Variants in SLC35F3 observed in about 807,000 individuals in gnomAD.
SLC35F3 encodes putative thiamine transporter SLC35F3.
A neutral mutation model predicts 49.9 loss-of-function variants in SLC35F3; 25 were observed. That is an observed-to-expected ratio of 0.50 (90% CI 0.37 to 0.70). The LOEUF is 0.70. Ranked by LOEUF, SLC35F3 falls within the 30% of genes least tolerant of loss-of-function variation. The probability of loss-of-function intolerance (pLI) is 0.00; values close to 1 mark genes in which losing one functional copy is unlikely to be tolerated. For synonymous variants in SLC35F3, 275 were observed against 265.4 expected, an observed-to-expected ratio of 1.04 and a Z score of -0.35; for missense variants, 525 against 639.8, an observed-to-expected ratio of 0.82 and a Z score of 1.94.
intron 2 of SLC35F3, among the ~76,000 whole-genome samples, chr1:234,156,594 G>C (rs990446808): frequency 6.6e-6 from 1 of 152,158 alleles, no homozygotes; most frequent in South Asian, 2.1e-4. Context: ...GTTTAACTTA[G>C]AGAACTCTAA....
intron 2 of SLC35F3, among the ~76,000 whole-genome samples, chr1:234,063,206 C>G (rs1359175616): frequency 6.6e-6 from 1 of 152,040 alleles, no homozygotes; most frequent in African/African-American, 2.4e-5. Flanking sequence ...TACAGATGAA[C>G]TGGGGAGGAA....
chr1:233,970,220 G>C (rs985601305), intron 2 of SLC35F3, among the ~76,000 whole-genome samples: 1 of 152,186 alleles, frequency 6.6e-6, no homozygotes, highest in African/African-American at 2.4e-5. Flanking sequence ...GGGCATCAGA[G>C]TTAGCACCCG....
intron 2 of SLC35F3, among the ~76,000 whole-genome samples, chr1:234,158,279 C>T (rs1222567833): frequency 3.5e-4 from 53 of 152,154 alleles, no homozygotes; most frequent in Admixed American, 3.5e-3. Flanking sequence ...GTTTTAATTG[C>T]TTTCCTTGTT....
intron 2 of SLC35F3, among the ~76,000 whole-genome samples, chr1:234,002,520 A>G (rs1291531747): frequency 6.6e-6 from 1 of 152,092 alleles, no homozygotes; most frequent in Non-Finnish European, 1.5e-5. Flanking sequence ...TGATTAAACT[A>G]GGGTTAGGGT....
chr1:234,116,772 C>T, intron 2 of SLC35F3, among the ~76,000 whole-genome samples: 1 of 152,208 alleles, frequency 6.6e-6, no homozygotes, highest in East Asian at 1.9e-4. Flanking sequence ...CCTTGGCCTC[C>T]CAAAGTGCTG....
At position 234,279,999 on chromosome 1, in the gene SLC35F3, G is replaced by A. The variant is rs183357435; in HGVS notation, c.609-29102G>A. 4.6e-5 allele frequency among the ~76,000 whole-genome samples: 7 copies of A among 152,284 alleles called. No individual in the cohort carries two copies. In the East Asian group the frequency reaches 1.4e-3, roughly 29 times the overall value. On this transcript the variant is annotated intron_variant, in intron 3 of 7. Transcript: ENST00000366618. ...ATCACACTTGGCAATGGCTACATAA[G>A]TTGGAACCTGGCTCATTAAGTGACT...
At chr1:234,192,286 G>A (rs1008814494) in intron 2 of SLC35F3, among the ~76,000 whole-genome samples, 1 of 152,150 alleles carries the variant, frequency 6.6e-6, no homozygotes, top group Non-Finnish European at 1.5e-5. Context: ...GGGATGCAGG[G>A]ATGGTTTAAC....
chr1:234,278,437 C>G (rs1668249034), intron 3 of SLC35F3, among the ~76,000 whole-genome samples: 1 of 151,110 alleles, frequency 6.6e-6, no homozygotes, highest in African/African-American at 2.4e-5. Flanking sequence ...TTGCAGTAAG[C>G]CAAGACTGCA....
intron 2 of SLC35F3, among the ~76,000 whole-genome samples, chr1:233,966,244 G>A (rs890705037): frequency 6.6e-6 from 1 of 152,168 alleles, no homozygotes; most frequent in Non-Finnish European, 1.5e-5. Context: ...ATAAGAAATG[G>A]TAGGAAAGAT....
intron 3 of SLC35F3, among the ~76,000 whole-genome samples, chr1:234,268,203 G>C (rs370902052): frequency 6.6e-6 from 1 of 152,176 alleles, no homozygotes; most frequent in African/African-American, 2.4e-5. Flanking sequence ...CTGCAATCCC[G>C]GCACCTCGGG....
intron 2 of SLC35F3, among the ~76,000 whole-genome samples, chr1:234,124,232 C>T (rs185714606): frequency 4.6e-5 from 7 of 152,348 alleles, no homozygotes; most frequent in Non-Finnish European, 8.8e-5. Flanking sequence ...AGTTCCCAAA[C>T]GCCTTCTAGG....
intron 2 of SLC35F3, among the ~76,000 whole-genome samples, chr1:234,218,666 T>C (rs1344501343): frequency 6.6e-6 from 1 of 152,196 alleles, no homozygotes; most frequent in Non-Finnish European, 1.5e-5. Flanking sequence ...CAAATCTATA[T>C]CTACCTGGCT....
chr1:234,019,417 T>C (rs918083600), intron 2 of SLC35F3, among the ~76,000 whole-genome samples: 3 of 152,176 alleles, frequency 2.0e-5, no homozygotes, highest in South Asian at 2.1e-4. Context: ...TTTAAGGAAC[T>C]GGCTCACCAA....
At chr1:233,965,497 T>G (rs930108158) in intron 2 of SLC35F3, among the ~76,000 whole-genome samples, 1 of 152,198 alleles carries the variant, frequency 6.6e-6, no homozygotes, top group Non-Finnish European at 1.5e-5. Context: ...GTTGCCAACA[T>G]GAGAGACTCT....
chr1:234,194,135 T>TA (rs147430017), intron 2 of SLC35F3, among the ~76,000 whole-genome samples: 67,263 of 150,124 alleles, frequency 0.45, 18,238 homozygotes, highest in Non-Finnish European at 0.62. Flanking sequence ...GAAGTCATTA[T>TA]TAAAAAAAGA....
chr1:233,924,751 C>G (rs1006573024), intron 2 of SLC35F3, among the ~76,000 whole-genome samples: 1 of 152,196 alleles, frequency 6.6e-6, no homozygotes, highest in Non-Finnish European at 1.5e-5. Flanking sequence ...ATCTTTCCTG[C>G]TTTCTCTTAT....
At chr1:233,996,470 G>C (rs1663462834) in intron 2 of SLC35F3, among the ~76,000 whole-genome samples, 1 of 152,098 alleles carries the variant, frequency 6.6e-6, no homozygotes, top group African/African-American at 2.4e-5. Context: ...CACCAGGTGT[G>C]AATTTGGAAG....
chr1:234,299,158 T>C (rs1037792850), intron 3 of SLC35F3, among the ~76,000 whole-genome samples: 1 of 152,238 alleles, frequency 6.6e-6, no homozygotes, highest in Non-Finnish European at 1.5e-5. Context: ...TTCCATGTGC[T>C]GTTACCCCTC....
At chr1:234,284,363 A>G (rs577202149) in intron 3 of SLC35F3, among the ~76,000 whole-genome samples, 1 of 152,234 alleles carries the variant, frequency 6.6e-6, no homozygotes, top group South Asian at 2.1e-4. Flanking sequence ...TCTATGCACA[A>G]GACAACTGTT....
Sources: gnomAD v4.1 joint callset for allele counts (sites outside exome capture counted in the v4.1 genomes callset) on GRCh38, gnomAD v4.1.1 for gene constraint, MANE v1.5 for transcripts, NCBI Gene and HGNC (gene_info 2026-07-23, HGNC 2026-07-21) for gene names.